Variants in CCDC39 observed in about 807,000 individuals in gnomAD.
The protein encoded by CCDC39 is coiled-coil domain-containing protein 39.
CCDC39 carries 113 observed loss-of-function variants against 121.0 expected under a neutral mutation model. The ratio of observed to expected loss-of-function variants is 0.93; its 90% CI spans 0.80 to 1.09. CCDC39 has a LOEUF of 1.09. Ranked by LOEUF, CCDC39 falls within the 50% of genes least tolerant of loss-of-function variation. The pLI, the probability that CCDC39 is intolerant of heterozygous loss-of-function variation, is 0.00. For synonymous variants in CCDC39, 349 were observed against 352.2 expected (o/e 0.99, Z 0.10); for missense variants, 1,063 against 1,074.7 (o/e 0.99, Z 0.15).
intron 13 of CCDC39, among the ~76,000 whole-genome samples, chr3:180,635,792 G>C (rs572241854): frequency 1.3e-5 from 2 of 152,178 alleles, no homozygotes; most frequent in South Asian, 2.1e-4. Context: ...AAGCTGTCGT[G>C]GCTCAACATA....
intron 6 of CCDC39, 61 bp downstream of exon 6, chr3:180,659,391 G>T: frequency 6.3e-7 from 1 of 1,576,412 alleles, no homozygotes; most frequent in South Asian, 1.2e-5. Context: ...TTGGAATAAT[G>T]AGTTAAATAC....
rs754224849 is a variant in CCDC39, at chr3:180,619,837, T to A, written c.2132A>T (p.Gln711Leu). Residue 711 changes from glutamine to leucine, a missense_variant, in exon 15 of 20, where the codon CAA (glutamine) becomes CTA (leucine). Gln to Leu is a moderately radical substitution (Grantham distance 113, BLOSUM62 -2). Coordinates refer to ENST00000476379, the MANE Select transcript of CCDC39 (RefSeq NM_181426.2). ...VLNSCNNNYK[Q>L]SFKKVTPSSD... ...AGATGGAGTCACTTTTTTAAAAGATTGCTTATAATTGTTGTTACAGCTGTT... is the reference window on the plus strand; with the variant it reads ...AGATGGAGTCACTTTTTTAAAAGATAGCTTATAATTGTTGTTACAGCTGTT... 1 of 1,599,640 alleles carries A rather than the reference T, an allele frequency of 6.3e-7. No homozygotes were observed. Among genetic ancestry groups the A allele is most frequent in the Non-Finnish European group, 8.5e-7 (1 of 1,173,444 alleles).
chr3:180,653,174 C>A (rs1478257297), intron 7 of CCDC39, among the ~76,000 whole-genome samples: 1 of 152,156 alleles, frequency 6.6e-6, no homozygotes, highest in Non-Finnish European at 1.5e-5. Context: ...AGAGAGAGTT[C>A]TCATACATAT....
chr3:180,663,542 T>C (rs1332952192), intron 2 of CCDC39, among the ~76,000 whole-genome samples: 6 of 151,684 alleles, frequency 4.0e-5, no homozygotes, highest in Non-Finnish European at 8.8e-5. Context: ...GGGTGGTGGG[T>C]GCCTATAATC....
chr3:180,617,979 C>T (rs1277760567), intron 16 of CCDC39, among the ~76,000 whole-genome samples: 1 of 152,064 alleles, frequency 6.6e-6, no homozygotes, highest in Non-Finnish European at 1.5e-5. Context: ...ACAGGTGTAC[C>T]ATTTTTTTAA....
At chr3:180,634,602 C>T (rs1717782755) in intron 13 of CCDC39, among the ~76,000 whole-genome samples, 1 of 152,158 alleles carries the variant, frequency 6.6e-6, no homozygotes. Context: ...CACCCCAGAG[C>T]TGTGGTGGGC....
chr3:180,631,166 A>G (rs1717684930), intron 14 of CCDC39, among the ~76,000 whole-genome samples: 1 of 152,224 alleles, frequency 6.6e-6, no homozygotes, highest in Non-Finnish European at 1.5e-5. Context: ...GAATGACCTG[A>G]ACTCAAAAGA....
At chr3:180,645,459 C>G (rs771735829) in intron 11 of CCDC39, among the ~76,000 whole-genome samples, 44 of 152,040 alleles carry the variant, frequency 2.9e-4, no homozygotes, top group Admixed American at 1.4e-3. Context: ...CTTTCCCTCT[C>G]TTCCTCCCTC....
chr3:180,620,050 A>G, intron 14 of CCDC39, 80 bp from the exon 15 acceptor site: 1 of 1,081,294 alleles, frequency 9.2e-7, no homozygotes, highest in South Asian at 1.8e-5. Flanking sequence ...TTTGGAGCAG[A>G]AAATAGTTGA....
At chr3:180,652,648 C>A (rs1213501150) in intron 7 of CCDC39, among the ~76,000 whole-genome samples, 4 of 152,044 alleles carry the variant, frequency 2.6e-5, no homozygotes, top group African/African-American at 9.7e-5. Context: ...TATCAGACTT[C>A]TAATAACTAC....
At chr3:180,648,457 C>A (rs1718124733) in intron 9 of CCDC39, 98 bp from the exon 10 acceptor site, 6 of 854,774 alleles carry the variant, frequency 7.0e-6, no homozygotes, top group Non-Finnish European at 1.0e-5. Flanking sequence ...AATTTGAACC[C>A]TCCACTATTT....
intron 16 of CCDC39, chr3:180,617,290 T>G: frequency 2.1e-6 from 1 of 477,822 alleles, no homozygotes; most frequent in Non-Finnish European, 3.7e-6. Context: ...GCACATACAA[T>G]TATGTACAGT....
At position 180,619,302 on chromosome 3, in the gene CCDC39, C is replaced by A; in HGVS notation, c.2222G>T (p.Arg741Ile). Residue 741 changes from arginine (R) to isoleucine (I), a missense_variant, in exon 16 of 20, where the codon AGA (arginine) becomes ATA (isoleucine). Physicochemically the swap from Arg to Ile is moderately conservative, Grantham distance 97. Coordinates refer to ENST00000476379, the MANE Select transcript of CCDC39 (RefSeq NM_181426.2). ...TTCTCTGATTTGTCTTTGTTTGTAT[C>A]TGTATTTTTCATCAACAGCTCTTTT... ...EQKRAVDEKY[R>I]YKQRQIRELQ... The A allele has an allele frequency of 6.5e-7, 1 of 1,547,136 alleles. No homozygotes were observed. Among genetic ancestry groups the A allele is most frequent in the South Asian group, 1.2e-5 (1 of 83,794 alleles).
chr3:180,627,937 G>A (rs1717603013), intron 14 of CCDC39, among the ~76,000 whole-genome samples: 1 of 152,190 alleles, frequency 6.6e-6, no homozygotes, highest in Non-Finnish European at 1.5e-5. Context: ...AGGTCATTAG[G>A]TTGGTCCTAA....
rs930535772 is a variant in CCDC39 at position 180,652,829 on chromosome 3, T to C, written c.931-563A>G. On this transcript the variant is annotated intron_variant, in intron 7 of 19. Transcript: ENST00000476379. ...GTAAGGTTTCTGGATACAATATCAA[T>C]ATACAAAACCAGTTACATTCTATAC... 5.9e-5 allele frequency among the ~76,000 whole-genome samples: 9 copies of C among 152,076 alleles called. 1 individual carries two copies. The highest frequency in any genetic ancestry group is 1.3e-4 in the Non-Finnish European group (9 of 67,986).
intron 1 of CCDC39, among the ~76,000 whole-genome samples, chr3:180,670,710 C>T (rs1184210936): frequency 6.7e-6 from 1 of 150,196 alleles, no homozygotes; most frequent in Non-Finnish European, 1.5e-5. Flanking sequence ...AGTGCTACTC[C>T]CTTGAACATA....
Position 180,679,145 on chromosome 3 carries a change from G to C in CCDC39, c.90+146C>G. The C allele has an allele frequency of 1.4e-6, 1 of 711,790 alleles. No homozygotes were observed. The highest frequency in any genetic ancestry group is 2.6e-6 in the Non-Finnish European group (1 of 387,552). 44.1% of individuals were successfully genotyped at this position (711,790 alleles called of 1,614,324 possible). A position where few individuals can be genotyped will look rare whatever the true frequency, so the allele number is the denominator to read the frequency against. On this transcript the variant is annotated intron_variant, in intron 1 of 19. Coordinates refer to ENST00000476379, the MANE Select transcript of CCDC39 (RefSeq NM_181426.2). This position sits in a 1 kb window ranked among gnomAD's most constrained non-coding sequence, Gnocchi z 4.0. ...ACTGAAATAGGCAGAGAGGGTAAGG[G>C]AGGAGGGCGATGGTGCGGGGGAGTG...
In CCDC39 at chr3:180,645,956, A is replaced by G. The variant is rs78465275; in HGVS notation, c.1527+1123T>C. On this transcript the variant is annotated intron_variant, in intron 11 of 19. Transcript: ENST00000476379. ...CAGGCCAGGGGCAAGAAACAAAGTC[A>G]TACCTCTAACATTCTATACCATTCT... 1.7e-3 allele frequency among the ~76,000 whole-genome samples: 261 copies of G among 152,246 alleles called. 4 individuals are homozygous for G. The highest frequency in any genetic ancestry group is 5.7e-3 in the African/African-American group (236 of 41,554).
intron 13 of CCDC39, among the ~76,000 whole-genome samples, chr3:180,634,016 G>A (rs9846084): frequency 0.36 from 54,201 of 151,872 alleles, 12,320 homozygotes; most frequent in African/African-American, 0.65. Context: ...GGAAAAAACA[G>A]CCTGAGGACT....
Sources: allele counts gnomAD v4.1 joint callset (sites outside exome capture counted in the v4.1 genomes callset), GRCh38; gene constraint gnomAD v4.1.1; non-coding constraint Gnocchi (gnomAD v3.1); transcripts MANE v1.5; gene names NCBI Gene and HGNC (gene_info 2026-07-23, HGNC 2026-07-21).